The following CFLAR variants were observed in gnomAD, a reference collection of about 807,000 sequenced individuals.
The protein encoded by CFLAR is CASP8 and FADD like apoptosis regulator, also known as CASP8 and FADD-like apoptosis regulator.
CFLAR carries 14 observed loss-of-function variants against 51.1 expected under a neutral mutation model. The ratio of observed to expected loss-of-function variants is 0.27; its 90% confidence interval spans 0.18 to 0.43. The LOEUF is 0.43. Among genes scored for constraint, CFLAR ranks in the 20% least tolerant of loss-of-function variants. The pLI is 1.00. For synonymous variants in CFLAR, 210 were observed against 211.6 expected (o/e 0.99, Z 0.06); for missense variants, 390 against 566.5 (o/e 0.69, Z 3.16).
chr2:201,161,738 C>CTTTTT (rs3044256), intron 9 of CFLAR, among the ~76,000 whole-genome samples: 4 of 101,266 alleles, frequency 3.9e-5, no homozygotes, highest in African/African-American at 7.3e-5. Flanking sequence ...TTTAATTTTT[C>CTTTTT]TTTTTTTTTT....
intron 8 of CFLAR, among the ~76,000 whole-genome samples, chr2:201,156,356 C>G (rs1204457082): frequency 6.6e-6 from 1 of 152,220 alleles, no homozygotes; most frequent in Non-Finnish European, 1.5e-5. Flanking sequence ...GACCTCAGAA[C>G]TCCCTTTTTC....
At position 201,130,136 on chromosome 2, in the gene CFLAR, T is replaced by C; in HGVS notation, c.271T>C (p.Ser91Pro). ...CCTGCTCAGGAACCCTCACCTTGTT[T>C]CGGACTATAGGTAATTCATCAACTC... is the stretch of plus-strand genomic sequence containing the variant. Reference protein sequence around the residue: ...THLLRNPHLVSDYRVLMAEIG... With the variant: ...THLLRNPHLVPDYRVLMAEIG... Residue 91 changes from serine (S) to proline (P), a missense_variant, in exon 2 of 10, where the codon TCG becomes CCG. Ser to Pro is a moderately conservative substitution (Grantham distance 74). Around this residue, in one of 2 missense-constraint regions of CFLAR, gnomAD observed 103 missense variants for 202.9 expected, o/e 0.51. Transcript: ENST00000309955. 7.4e-7 allele frequency: 1 copy of C among 1,351,220 alleles called. No homozygotes were observed. 83.7% of individuals were successfully genotyped at this position (1,351,220 alleles called of 1,614,324 possible). A position where few individuals can be genotyped will look rare whatever the true frequency, so the allele number is the denominator to read the frequency against.
chr2:201,129,818 G>C lies in CFLAR; in HGVS notation c.-48G>C, dbSNP rs767502342. 6 of 1,577,496 alleles carry C rather than the reference G, an allele frequency of 3.8e-6. No homozygotes were observed. Among genetic ancestry groups the C allele is most frequent in the Non-Finnish European group, 4.3e-6 (5 of 1,154,332 alleles). On this transcript the variant is annotated 5_prime_UTR_variant, in exon 2 of 10. Coordinates refer to ENST00000309955, the MANE Select transcript of CFLAR (RefSeq NM_003879.7). ...CTGCTGGCTTTCTGTTGACTGGCCC[G>C]GAGCTGTACTGCAAGACCCTTGTGA... is the stretch of plus-strand genomic sequence containing the variant.
chr2:201,119,757 A>G (rs1575582370), intron 1 of CFLAR, among the ~76,000 whole-genome samples: 1 of 151,638 alleles, frequency 6.6e-6, no homozygotes, highest in East Asian at 1.9e-4. Flanking sequence ...TATTATAATT[A>G]TGAGTTAAAA....
In CFLAR at chr2:201,124,691, TG is replaced by T. The variant is rs2048514832; in HGVS notation, c.-137-5037del. 6.6e-6 allele frequency among the ~76,000 whole-genome samples: 1 copy of T among 151,766 alleles called. No individual in the cohort carries two copies. Among genetic ancestry groups the T allele is most frequent in the South Asian group, 2.1e-4 (1 of 4,824 alleles). Reference sequence around the variant, plus strand: ...AGATGGAAGGTAGATTTGGAGAGGGTGAGGTCTAAAGCAGGGGGAACAGAAT... The same window carrying T: ...AGATGGAAGGTAGATTTGGAGAGGGTAGGTCTAAAGCAGGGGGAACAGAAT... On this transcript the variant is annotated intron_variant, in intron 1 of 9. Transcript: ENST00000309955. The surrounding 1 kb of genome is among the most constrained non-coding windows in gnomAD (Gnocchi z 4.7).
At chr2:201,149,961 C>T (rs1559228203) in intron 8 of CFLAR, 126 bp downstream of exon 8, 2 of 709,476 alleles carry the variant, frequency 2.8e-6, no homozygotes, top group Non-Finnish European at 4.9e-6. Flanking sequence ...TGTGCTTCAT[C>T]CTGGGTGCGG....
At chr2:201,148,677 G>A in intron 6 of CFLAR, 2 of 275,438 alleles carry the variant, frequency 7.3e-6, no homozygotes, top group Non-Finnish European at 1.4e-5. Context: ...TTGTTGGGTG[G>A]TGAGGTTATT....
At chr2:201,153,050 G>GGT (rs757507621) in intron 8 of CFLAR, 2 of 152,258 alleles carry the variant, frequency 1.3e-5, no homozygotes, top group African/African-American at 2.4e-5. Context: ...TCAACATCTT[G>GGT]GTGGTACATT....
Position 201,129,804 on chromosome 2 carries a change from C to G in CFLAR, c.-62C>G, listed in dbSNP as rs930303023. ...ATGAAGTTGACTGCCTGCTGGCTTTCTGTTGACTGGCCCGGAGCTGTACTG... is the reference window on the plus strand; with the variant it reads ...ATGAAGTTGACTGCCTGCTGGCTTTGTGTTGACTGGCCCGGAGCTGTACTG... On this transcript the variant is annotated 5_prime_UTR_variant, in exon 2 of 10. Coordinates refer to ENST00000309955, the MANE Select transcript of CFLAR (RefSeq NM_003879.7). 2 of 1,501,718 alleles carry G rather than the reference C, an allele frequency of 1.3e-6. No homozygotes were observed. Among genetic ancestry groups the G allele is most frequent in the Non-Finnish European group, 1.8e-6 (2 of 1,101,984 alleles). The allele number at this position is 1,501,718 out of a possible 1,614,324, so 93.0% of individuals were successfully genotyped here.
intron 1 of CFLAR, among the ~76,000 whole-genome samples, chr2:201,120,598 A>T (rs1398975429): frequency 6.6e-6 from 1 of 151,702 alleles, no homozygotes; most frequent in East Asian, 1.9e-4. Context: ...ATATTTGTAT[A>T]CTTTTAAAAA....
intron 6 of CFLAR, chr2:201,147,757 A>G (rs1940508079): frequency 6.6e-6 from 1 of 151,526 alleles, no homozygotes; most frequent in Non-Finnish European, 1.5e-5. Flanking sequence ...AATCCCAGCT[A>G]CTCAGGAGGC....
intron 8 of CFLAR, among the ~76,000 whole-genome samples, chr2:201,159,404 G>C (rs1942732632): frequency 6.6e-6 from 1 of 152,040 alleles, no homozygotes; most frequent in Admixed American, 6.6e-5. Context: ...CCACCTCCTG[G>C]GTTCAAGCGA....
intron 5 of CFLAR, chr2:201,141,493 A>C: frequency 6.6e-7 from 1 of 1,519,900 alleles, no homozygotes; most frequent in Non-Finnish European, 8.8e-7. Flanking sequence ...CATTTTCTAA[A>C]TGTGTTATAA....
In CFLAR at chr2:201,145,442, C is replaced by T; in HGVS notation, c.661+10C>T. 1 of 1,562,088 alleles carries T rather than the reference C, an allele frequency of 6.4e-7. No homozygotes were observed. The highest frequency in any genetic ancestry group is 8.8e-7 in the Non-Finnish European group (1 of 1,135,812). On this transcript the variant is annotated intron_variant, in intron 6 of 9. Transcript: ENST00000309955. Reference sequence around the variant, plus strand: ...CAGCTTGGCGCTCAACGTAAGACCACCTTTTTTTAATATTCATTATTTATA... The same window carrying T: ...CAGCTTGGCGCTCAACGTAAGACCATCTTTTTTTAATATTCATTATTTATA...
intron 8 of CFLAR, among the ~76,000 whole-genome samples, chr2:201,154,862 A>G (rs1941895449): frequency 1.3e-5 from 2 of 152,404 alleles, no homozygotes; most frequent in East Asian, 1.9e-4. Context: ...GTGTGAAGCA[A>G]ATATTAAGGC....
chr2:201,149,852 C>T lies in CFLAR; in HGVS notation c.793+17C>T. On this transcript the variant is annotated intron_variant, in intron 8 of 9. Transcript: ENST00000309955. ...ATGAGACAGGTAGGTGTGGAAGCTG[C>T]AGATTAACTGGTGCCCCCAGATTGA... is the stretch of plus-strand genomic sequence containing the variant. 1.3e-6 allele frequency: 2 copies of T among 1,589,582 alleles called. No individual in the cohort carries two copies. The highest frequency in any genetic ancestry group is 1.7e-6 in the Non-Finnish European group (2 of 1,157,748).
At chr2:201,155,315 G>A (rs1261093413) in intron 8 of CFLAR, among the ~76,000 whole-genome samples, 1 of 151,918 alleles carries the variant, frequency 6.6e-6, no homozygotes, top group Admixed American at 6.6e-5. Context: ...CAGGCTACTG[G>A]AGTGCAATGG....
rs1943606020 is a variant in CFLAR at position 201,166,607 on chromosome 2, A to G, written c.*2634A>G. ...TGTAATCTCGGCACCCTGGGGGGCC[A>G]AGGCAGGCGGCTGGGAGGCGGAGGC... is the stretch of plus-strand genomic sequence containing the variant. On this transcript the variant is annotated 3_prime_UTR_variant, in exon 10 of 10. Coordinates refer to ENST00000309955, the MANE Select transcript of CFLAR (RefSeq NM_003879.7). The G allele has an allele frequency of 5.6e-6, 1 of 179,778 alleles. No homozygotes were observed. Among genetic ancestry groups the G allele is most frequent in the South Asian group, 9.7e-5 (1 of 10,346 alleles). The allele number at this position is 179,778 out of a possible 1,614,324, so 11.1% of individuals were successfully genotyped here.
chr2:201,139,156 CAT>C (rs529813095), intron 4 of CFLAR: 7 of 371,938 alleles, frequency 1.9e-5, no homozygotes, highest in East Asian at 7.1e-5. Flanking sequence ...CTCCCTGAAA[CAT>C]GTGCTATGTC....
Sources: gnomAD v4.1 joint callset for allele counts (sites outside exome capture counted in the v4.1 genomes callset) on GRCh38, gnomAD v4.1.1 for gene constraint, gnomAD v4.1.1 regional missense constraint, Gnocchi (gnomAD v3.1) non-coding constraint, MANE v1.5 for transcripts, NCBI Gene and HGNC (gene_info 2026-07-23, HGNC 2026-07-21) for gene names.